The following GTF2I variants were observed in gnomAD, a reference collection of about 807,000 sequenced individuals.
GTF2I encodes the protein general transcription factor II-I.
A neutral mutation model predicts 67.6 loss-of-function variants in GTF2I; 12 were observed. That is an observed-to-expected ratio of 0.18 (90% CI 0.11 to 0.29). The LOEUF is 0.29. GTF2I is among the 10% of genes least tolerant of loss of function. The probability of loss-of-function intolerance (pLI) is 1.00; values close to 1 mark genes in which losing one functional copy is unlikely to be tolerated. For synonymous variants in GTF2I, 149 were observed against 197.0 expected, an observed-to-expected ratio of 0.76 and a Z score of 2.04; for missense variants, 271 against 580.1, an observed-to-expected ratio of 0.47 and a Z score of 5.47.
At chr7:74,712,037 C>T (rs964984501) in intron 9 of GTF2I, among the ~76,000 whole-genome samples, 14 of 151,408 alleles carry the variant, frequency 9.2e-5, no homozygotes, top group South Asian at 8.4e-4. Flanking sequence ...GCAACCTCCA[C>T]CTCCCAGGTT....
chr7:74,750,332 TAC>T (rs1795734284), intron 26 of GTF2I, among the ~76,000 whole-genome samples: 2 of 103,500 alleles, frequency 1.9e-5, no homozygotes, highest in South Asian at 3.9e-4. Context: ...TAATCTCAGC[TAC>T]TCAGGGAGGC....
chr7:74,706,905 C>T (rs144382275), intron 8 of GTF2I, among the ~76,000 whole-genome samples: 1,818 of 152,328 alleles, frequency 0.012, 41 homozygotes, highest in African/African-American at 0.041. Flanking sequence ...GACTGAAGTG[C>T]AGTGGCACGA....
intron 1 of GTF2I, among the ~76,000 whole-genome samples, chr7:74,675,595 A>G (rs1805829295): frequency 6.6e-6 from 1 of 152,034 alleles, no homozygotes. Context: ...CTTAAATACC[A>G]TTATAGTTGT....
At chr7:74,715,151 C>T (rs1562970401) in intron 10 of GTF2I, among the ~76,000 whole-genome samples, 2 of 151,988 alleles carry the variant, frequency 1.3e-5, no homozygotes, top group Non-Finnish European at 2.9e-5. Flanking sequence ...GTACATGACA[C>T]ACTTTCCTAT....
chr7:74,715,267 G>C (rs1792116958), intron 10 of GTF2I, among the ~76,000 whole-genome samples: 1 of 152,004 alleles, frequency 6.6e-6, no homozygotes, highest in African/African-American at 2.4e-5. Context: ...TTGATACTTA[G>C]TATTTAGAAG....
chr7:74,692,728 A>G (rs1788448463), intron 3 of GTF2I, among the ~76,000 whole-genome samples: 1 of 152,206 alleles, frequency 6.6e-6, no homozygotes. Context: ...CTATAGGCAC[A>G]TATTATATAT....
intron 12 of GTF2I, among the ~76,000 whole-genome samples, chr7:74,725,929 T>C (rs1018520923): frequency 1.3e-5 from 2 of 152,092 alleles, no homozygotes; most frequent in African/African-American, 4.8e-5. Context: ...TCTAAAATGT[T>C]TGTGTGACTG....
intron 1 of GTF2I, among the ~76,000 whole-genome samples, chr7:74,664,473 G>T (rs1393056903): frequency 2.6e-5 from 4 of 151,906 alleles, no homozygotes; most frequent in African/African-American, 9.7e-5. Flanking sequence ...TCCCTCTGTC[G>T]CACAGGCTAA....
rs1360065178 is a variant in GTF2I, at chr7:74,686,009, T to G, written c.-5-3115T>G. ...CGGAGCTTGCAGTGAGCCGAGATCG[T>G]GCCACTGCACTAAAGAAAAAGGAAA... On this transcript the variant is annotated intron_variant, in intron 1 of 34. Transcript: ENST00000573035. Among the ~76,000 whole-genome samples the G allele has an allele frequency of 2.6e-5, 4 of 152,088 alleles. No individual in the cohort carries two copies. The East Asian group carries it at 7.7e-4, about 29-fold the overall frequency.
At chr7:74,680,795 C>A (rs970168457) in intron 1 of GTF2I, among the ~76,000 whole-genome samples, 1 of 152,060 alleles carries the variant, frequency 6.6e-6, no homozygotes, top group African/African-American at 2.4e-5. Flanking sequence ...AGCAAGGAAT[C>A]AGATAATTAA....
intron 12 of GTF2I, among the ~76,000 whole-genome samples, chr7:74,724,591 A>AT (rs1441055061): frequency 1.3e-5 from 2 of 152,162 alleles, no homozygotes; most frequent in Admixed American, 1.3e-4. Flanking sequence ...TGTGGGTAGC[A>AT]TAACTATTGT....
intron 3 of GTF2I, among the ~76,000 whole-genome samples, chr7:74,698,212 C>T (rs1789199159): frequency 6.6e-6 from 1 of 152,060 alleles, no homozygotes; most frequent in African/African-American, 2.4e-5. Context: ...GCCTCGGCCT[C>T]CCAAAGTGCA....
At chr7:74,676,668 C>G (rs1002844478) in intron 1 of GTF2I, among the ~76,000 whole-genome samples, 1 of 152,114 alleles carries the variant, frequency 6.6e-6, no homozygotes, top group African/African-American at 2.4e-5. Context: ...TGTATACTGA[C>G]ATTTTAGGGA....
rs141312445 is a variant in GTF2I, at chr7:74,710,139, G to A, written c.686-893G>A. Among the ~76,000 whole-genome samples, 175 of 152,140 alleles carry A rather than the reference G, an allele frequency of 1.2e-3. 2 individuals are homozygous for A. Among genetic ancestry groups the A allele is most frequent in the African/African-American group, 3.2e-3 (135 of 41,544 alleles). On this transcript the variant is annotated intron_variant, in intron 8 of 34. Coordinates refer to ENST00000573035, the MANE Select transcript of GTF2I (RefSeq NM_032999.4). The stretch of plus-strand genomic sequence containing the variant: ...AATGGAGTAACTCCTTTTTTTGCTT[G>A]TTGCTTCAGGGATGCATACCCTTTG...
At chr7:74,669,959 C>A (rs1805312509) in intron 1 of GTF2I, among the ~76,000 whole-genome samples, 1 of 152,130 alleles carries the variant, frequency 6.6e-6, no homozygotes. Context: ...TATTTTGACA[C>A]TTGTCTCATT....
chr7:74,696,641 C>T (rs1788946317), intron 3 of GTF2I, among the ~76,000 whole-genome samples: 1 of 152,044 alleles, frequency 6.6e-6, no homozygotes, highest in Non-Finnish European at 1.5e-5. Context: ...TACAGGCGCC[C>T]ACCACCATGC....
chr7:74,696,363 A>G (rs1788903093), intron 3 of GTF2I, among the ~76,000 whole-genome samples: 2 of 147,242 alleles, frequency 1.4e-5, no homozygotes, highest in South Asian at 4.4e-4. Flanking sequence ...ACAGAGTCTC[A>G]CTATCGCCCA....
chr7:74,677,997 C>G (rs1242233986), intron 1 of GTF2I, among the ~76,000 whole-genome samples: 1 of 151,878 alleles, frequency 6.6e-6, no homozygotes, highest in South Asian at 2.1e-4. Flanking sequence ...AATAGGGGGA[C>G]AAAAACTTAG....
chr7:74,681,449 A>G (rs1234194669), intron 1 of GTF2I, among the ~76,000 whole-genome samples: 1 of 151,824 alleles, frequency 6.6e-6, no homozygotes, highest in Non-Finnish European at 1.5e-5. Flanking sequence ...ATAAAAAAAA[A>G]GAAAAAAAGA....
Sources: allele counts gnomAD v4.1 joint callset (sites outside exome capture counted in the v4.1 genomes callset), GRCh38; gene constraint gnomAD v4.1.1; transcripts MANE v1.5; gene names NCBI Gene and HGNC (gene_info 2026-07-23, HGNC 2026-07-21).